RPE65: variants seen among roughly 807,000 people sequenced by gnomAD.
RPE65 encodes retinoid isomerohydrolase.
In RPE65, 58 loss-of-function variants were observed where a neutral mutation model predicts 68.5. That is an observed-to-expected ratio of 0.85 (90% CI 0.69 to 1.05). The LOEUF (loss-of-function observed/expected upper bound fraction) is 1.05, where lower values mean the gene tolerates loss of function less well. Ranked by LOEUF, RPE65 falls within the 50% of genes least tolerant of loss-of-function variation. RPE65 has a pLI of 0.00. For missense variants in RPE65, 643 were observed against 629.9 expected, an observed-to-expected ratio of 1.02 and a Z score of -0.22; for synonymous variants, 220 against 222.2, an observed-to-expected ratio of 0.99 and a Z score of 0.09.
At chr1:68,446,560 T>G in intron 3 of RPE65, 150 bp downstream of exon 3, 1 of 886,780 alleles carries the variant, frequency 1.1e-6, no homozygotes, top group African/African-American at 1.6e-5. Context: ...TTCCCTCGTA[T>G]CCATGCAGAC....
At chr1:68,435,691 A>G in intron 10 of RPE65, among the ~76,000 whole-genome samples, 1 of 152,152 alleles carries the variant, frequency 6.6e-6, no homozygotes, top group East Asian at 1.9e-4. Flanking sequence ...GTTCTGCCTC[A>G]ATCCCATCTC....
intron 2 of RPE65, among the ~76,000 whole-genome samples, chr1:68,448,019 A>G (rs1259270305): frequency 3.9e-5 from 6 of 152,356 alleles, no homozygotes; most frequent in Admixed American, 3.9e-4. Context: ...AGTAATAATT[A>G]CTGTCTATTG....
At chr1:68,430,059 T>A in intron 13 of RPE65, 132 bp from the exon 14 acceptor site, 3 of 1,184,812 alleles carry the variant, frequency 2.5e-6, no homozygotes, top group Non-Finnish European at 3.6e-6. Flanking sequence ...CTTCTTTTTC[T>A]GACTCTTGTA....
chr1:68,439,109 G>T (rs377152481), intron 8 of RPE65, 28 bp from the exon 9 acceptor site: 17 of 1,613,832 alleles, frequency 1.1e-5, no homozygotes, highest in East Asian at 4.5e-5. Flanking sequence ...ATATTTTGAT[G>T]CATTTAAAAA....
rs61751281 is a variant in RPE65, at chr1:68,446,837, C to T, written c.118G>A (p.Gly40Ser). ...VTGRIPLWLT[G>S]SLLRCGPGLF... ...CCTGGCCCACATCGAAGGAGACTGC[C>T]GGTGAGCCAGAGGGGGATCCTGCCT... is the stretch of plus-strand genomic sequence containing the variant. The change falls in exon 3 of 14, where the codon GGC (glycine) becomes AGC (serine). Residue 40 changes from glycine to serine, a missense_variant. Gly to Ser is a moderately conservative substitution (Grantham distance 56, BLOSUM62 0). Coordinates refer to ENST00000262340, the MANE Select transcript of RPE65 (RefSeq NM_000329.3). 97 of 1,613,616 alleles carry T rather than the reference C, an allele frequency of 6.0e-5. No individual in the cohort carries two copies. Among genetic ancestry groups the T allele is most frequent in the Non-Finnish European group, 7.0e-5 (83 of 1,180,030 alleles).
At chr1:68,432,467 T>C (rs1645834163) in intron 10 of RPE65, among the ~76,000 whole-genome samples, 1 of 152,108 alleles carries the variant, frequency 6.6e-6, no homozygotes, top group South Asian at 2.1e-4. Context: ...TCTTAGAAGA[T>C]GAGAGAATTA....
chr1:68,447,163 C>T (rs1645948508), intron 2 of RPE65, among the ~76,000 whole-genome samples: 1 of 152,118 alleles, frequency 6.6e-6, no homozygotes, highest in South Asian at 2.1e-4. Context: ...AATAGATTTC[C>T]CCAAACACCA....
chr1:68,429,765 C>T lies in RPE65; in HGVS notation c.*11G>A. ...GTTTTGCTACCAAAAACATATCTTG[C>T]TGGAGTATGCTCAAGATTTTTTGAA... On this transcript the variant is annotated 3_prime_UTR_variant, in exon 14 of 14. Coordinates refer to ENST00000262340, the MANE Select transcript of RPE65 (RefSeq NM_000329.3). The T allele has an allele frequency of 6.2e-7, 1 of 1,613,332 alleles. No homozygotes were observed. Among genetic ancestry groups the T allele is most frequent in the Non-Finnish European group, 8.5e-7 (1 of 1,179,528 alleles).
chr1:68,439,401 T>C, intron 7 of RPE65, 78 bp from the exon 8 acceptor site: 1 of 1,595,640 alleles, frequency 6.3e-7, no homozygotes, highest in Non-Finnish European at 8.6e-7. Context: ...ATATGTGGTA[T>C]GCTCAGTTAC....
At position 68,449,902 on chromosome 1, in the gene RPE65, A is replaced by C; in HGVS notation, c.4T>G (p.Ser2Ala). The C allele has an allele frequency of 1.9e-6, 3 of 1,614,220 alleles. No individual in the cohort carries two copies. The South Asian group carries it at 3.3e-5, about 18-fold the overall frequency. Residue 2 changes from serine (S) to alanine (A), a missense_variant, in exon 1 of 14, where the codon TCT (serine) becomes GCT (alanine). Transcript: ENST00000262340. ...TCTCCCAGAGATACTTACTGGATAG[A>C]CATTTTCTTCCAGTTCAGGATCCAG... is the stretch of plus-strand genomic sequence containing the variant. M[S>A]IQVEHPAGGY...
chr1:68,434,388 A>G (rs569518910), intron 10 of RPE65, among the ~76,000 whole-genome samples: 125 of 152,206 alleles, frequency 8.2e-4, no homozygotes, highest in African/African-American at 2.8e-3. Context: ...GGTTGAAGGC[A>G]ACATTCTAAG....
chr1:68,448,702 C>G lies in RPE65; in HGVS notation c.16G>C (p.Glu6Gln). Residue 6 changes from glutamate (E) to glutamine (Q), a missense_variant, in exon 2 of 14, where the codon GAG (glutamate) becomes CAG (glutamine). Transcript: ENST00000262340. ...TTCTTGTAACCACCAGCAGGATGCT[C>G]AACCCTGAAATGGTGGAAGAATAAG... MSIQV[E>Q]HPAGGYKKLF... 7 of 1,613,284 alleles carry G rather than the reference C, an allele frequency of 4.3e-6. No individual in the cohort carries two copies. The highest frequency in any genetic ancestry group is 5.1e-6 in the Non-Finnish European group (6 of 1,179,652).
chr1:68,438,528 CCTTGAGATA>C (rs1278041600), intron 9 of RPE65, among the ~76,000 whole-genome samples: 50 of 152,082 alleles, frequency 3.3e-4, no homozygotes, highest in African/African-American at 1.2e-3. Context: ...GTAACAGCAG[CCTTGAGATA>C]CTTTCTGTTC....
intron 9 of RPE65, 83 bp downstream of exon 9, chr1:68,438,859 G>T: frequency 6.5e-7 from 1 of 1,536,286 alleles, no homozygotes. Flanking sequence ...ATGTGATTCA[G>T]ATTGAGTGCA....
At chr1:68,440,137 T>C (rs1244985129) in intron 6 of RPE65, among the ~76,000 whole-genome samples, 1 of 152,190 alleles carries the variant, frequency 6.6e-6, no homozygotes, top group Non-Finnish European at 1.5e-5. Context: ...AAAATACTGA[T>C]TGCAGGCTCC....
At position 68,439,185 on chromosome 1, in the gene RPE65, A is replaced by G. The variant is rs764221382; in HGVS notation, c.858+6T>C. ...CACAAACTTGACAAATATATCTAAGACTTACCCCCATGGTTTCATTGGACT... is the reference window on the plus strand; with the variant it reads ...CACAAACTTGACAAATATATCTAAGGCTTACCCCCATGGTTTCATTGGACT... On this transcript the variant is annotated splice_donor_region_variant and intron_variant, in intron 8 of 13. Transcript: ENST00000262340. The G allele has an allele frequency of 5.0e-6, 8 of 1,614,080 alleles. No homozygotes were observed. The highest frequency in any genetic ancestry group is 1.1e-5 in the South Asian group (1 of 91,080).
chr1:68,445,810 C>T (rs1645938574), intron 3 of RPE65, among the ~76,000 whole-genome samples: 1 of 152,060 alleles, frequency 6.6e-6, no homozygotes, highest in Non-Finnish European at 1.5e-5. Flanking sequence ...GCCACCCACA[C>T]CCGGTCGCAC....
At chr1:68,430,131 G>A (rs1645815732) in intron 13 of RPE65, among the ~76,000 whole-genome samples, 1 of 152,128 alleles carries the variant, frequency 6.6e-6, no homozygotes, top group Non-Finnish European at 1.5e-5. Context: ...TACCTACACT[G>A]TAAGCTCTAA....
In RPE65 at chr1:68,439,602, T is replaced by G; in HGVS notation, c.684A>C (p.Gln228His). ...DPISKSEIVV[Q>H]FPCSDRFKPS... ...GCTTGAATCGGTCACTGCAGGGGAA[T>G]TGTACAACGATCTCTGACTTGCTTA... Residue 228 changes from glutamine to histidine, a missense_variant, in exon 7 of 14, where the codon CAA (glutamine) becomes CAC (histidine). Physicochemically the swap from Gln to His is conservative, Grantham distance 24 (BLOSUM62 0). Coordinates refer to ENST00000262340, the MANE Select transcript of RPE65 (RefSeq NM_000329.3). The G allele has an allele frequency of 6.2e-7, 1 of 1,613,946 alleles. No individual in the cohort carries two copies. The highest frequency in any genetic ancestry group is 1.7e-5 in the Admixed American group (1 of 60,014).
Sources: gnomAD v4.1 joint callset for allele counts (sites outside exome capture counted in the v4.1 genomes callset) on GRCh38, gnomAD v4.1.1 for gene constraint, MANE v1.5 for transcripts, NCBI Gene and HGNC (gene_info 2026-07-23, HGNC 2026-07-21) for gene names.